FSAF1: variants seen among roughly 807,000 people sequenced by gnomAD.
FSAF1 encodes 40S small subunit processome assembly factor 1, also known as uncharacterized protein C1orf131.
chr1:231,241,156 C>G, the FSAF1 span: 3 of 1,600,772 alleles, frequency 1.9e-6, no homozygotes, highest in Admixed American at 1.7e-5. Flanking sequence ...CCGCGCTGCA[C>G]CCCCGCTTCC....
chr1:231,226,747 TTTC>T, the FSAF1 span: 1 of 1,603,732 alleles, frequency 6.2e-7, no homozygotes, highest in African/African-American at 1.3e-5. Flanking sequence ...ACCAGTCTCT[TTTC>T]TTCTTCCTTT....
chr1:231,236,124 A>C, the FSAF1 span, among the ~76,000 whole-genome samples: 1 of 152,234 alleles, frequency 6.6e-6, no homozygotes, highest in Non-Finnish European at 1.5e-5. Flanking sequence ...GAACAAGGGC[A>C]CAACTATACT....
chr1:231,228,306 A>G, the FSAF1 span, among the ~76,000 whole-genome samples: 1 of 152,190 alleles, frequency 6.6e-6, no homozygotes, highest in Non-Finnish European at 1.5e-5. Context: ...ATATTCAACC[A>G]AGTGAGTGCA....
At chr1:231,226,339 A>G in the FSAF1 span, 7 of 256,574 alleles carry the variant, frequency 2.7e-5, no homozygotes, top group South Asian at 2.7e-4. Context: ...CTCTGTACAC[A>G]TGGGCTTCCC....
At chr1:231,225,354 G>C in the FSAF1 span, 4 of 922,276 alleles carry the variant, frequency 4.3e-6, no homozygotes, top group East Asian at 9.7e-5. Flanking sequence ...ATAAATGAGA[G>C]ACAGTGAAGC....
the FSAF1 span, chr1:231,238,792 C>T: frequency 1.4e-6 from 2 of 1,431,300 alleles, no homozygotes; most frequent in East Asian, 4.6e-5. Flanking sequence ...GTCTAAAGAG[C>T]TATTCACCTA....
the FSAF1 span, chr1:231,238,365 T>C: frequency 6.5e-6 from 1 of 153,280 alleles, no homozygotes; most frequent in African/African-American, 2.4e-5. Flanking sequence ...CACTGCTATA[T>C]CCCAGTGCCT....
the FSAF1 span, chr1:231,225,444 A>G: frequency 1.9e-6 from 3 of 1,607,200 alleles, no homozygotes; most frequent in East Asian, 2.2e-5. Flanking sequence ...AGATTGTTCA[A>G]CCCCAGGACC....
the FSAF1 span, chr1:231,226,514 C>G: frequency 1.0e-5 from 6 of 588,216 alleles, no homozygotes; most frequent in African/African-American, 1.9e-5. Flanking sequence ...CAAAAACGGA[C>G]TAAGACAAGG....
the FSAF1 span, chr1:231,225,278 T>C: frequency 1.5e-5 from 9 of 588,454 alleles, no homozygotes; most frequent in African/African-American, 1.1e-4. Flanking sequence ...TTGGAGAAAC[T>C]TCCTAATTCA....
the FSAF1 span, chr1:231,238,352 G>A: frequency 6.6e-6 from 1 of 152,418 alleles, no homozygotes; most frequent in Non-Finnish European, 1.5e-5. Context: ...TATACATTTG[G>A]TTCACTGCTA....
chr1:231,226,012 A>C, the FSAF1 span: 2 of 152,732 alleles, frequency 1.3e-5, no homozygotes, highest in African/African-American at 4.9e-5. Flanking sequence ...AAAAAAAAAA[A>C]AAAAAAAAAA....
the FSAF1 span, chr1:231,225,372 T>C: frequency 6.0e-6 from 7 of 1,162,620 alleles, no homozygotes; most frequent in Middle Eastern, 1.9e-4. Context: ...AGCGCTCTAA[T>C]GGGCTAGCAA....
chr1:231,237,025 C>T, the FSAF1 span: 41 of 150,342 alleles, frequency 2.7e-4, no homozygotes, highest in African/African-American at 9.3e-4. Context: ...GAAAGGGTCT[C>T]GCTCTGTCAC....
chr1:231,232,297 C>T, the FSAF1 span, among the ~76,000 whole-genome samples: 1 of 152,186 alleles, frequency 6.6e-6, no homozygotes, highest in Admixed American at 6.5e-5. Context: ...AGGCGACTCA[C>T]GCTTCCCCGT....
the FSAF1 span, chr1:231,224,880 C>T: frequency 2.4e-5 from 4 of 169,480 alleles, no homozygotes; most frequent in Admixed American, 5.6e-5. Flanking sequence ...TACAGCTGTA[C>T]ACCAATACCT....
chr1:231,241,150 G>A, the FSAF1 span: 175 of 1,604,638 alleles, frequency 1.1e-4, no homozygotes, highest in African/African-American at 2.2e-3. Context: ...ATTCTGCCGC[G>A]CTGCACCCCC....
the FSAF1 span, among the ~76,000 whole-genome samples, chr1:231,235,126 T>C: frequency 6.6e-6 from 1 of 152,220 alleles, no homozygotes; most frequent in Non-Finnish European, 1.5e-5. Context: ...AGGCACCCAG[T>C]GATTGGTGGA....
chr1:231,239,522 G>A, the FSAF1 span, among the ~76,000 whole-genome samples: 3 of 152,210 alleles, frequency 2.0e-5, no homozygotes, highest in South Asian at 6.2e-4. Flanking sequence ...ATCAGGCACT[G>A]CAGCCACTGT....
Sources: gnomAD v4.1 joint callset for allele counts (sites outside exome capture counted in the v4.1 genomes callset) on GRCh38, gnomAD v4.1.1 for gene constraint, MANE v1.5 for transcripts, NCBI Gene and HGNC (gene_info 2026-07-23, HGNC 2026-07-21) for gene names.